Variants in DYSF observed in about 807,000 individuals in gnomAD.
DYSF encodes the protein dysferlin.
DYSF carries 212 observed loss-of-function variants against 274.9 expected under a neutral mutation model. That is an observed-to-expected ratio of 0.77 (90% CI 0.69 to 0.86). DYSF has a LOEUF of 0.86. Ranked by LOEUF, DYSF falls within the 40% of genes least tolerant of loss-of-function variation. The probability of loss-of-function intolerance (pLI) is 0.00; values close to 1 mark genes in which losing one functional copy is unlikely to be tolerated. For synonymous variants in DYSF, 1,091 were observed against 1,078.7 expected (o/e 1.01, Z -0.22); for missense variants, 2,666 against 2,783.2 (o/e 0.96, Z 0.95).
chr2:71,572,955 C>T (rs1196548029), intron 29 of DYSF, among the ~76,000 whole-genome samples: 1 of 152,228 alleles, frequency 6.6e-6, no homozygotes, highest in African/African-American at 2.4e-5. Context: ...GCCCATCGTG[C>T]ACATGGATGA....
In DYSF at chr2:71,686,659, A is replaced by G. The variant is rs1204949314; in HGVS notation, c.*167A>G. On this transcript the variant is annotated 3_prime_UTR_variant, in exon 56 of 56. Coordinates refer to ENST00000410020, the MANE Select transcript of DYSF (RefSeq NM_001130987.2). ...GGCCCACACTCCCAGAGTTGCTAAC[A>G]TGGAGCTCTGAGATCACCCCACTTC... The G allele has an allele frequency of 9.0e-6, 7 of 778,264 alleles. No homozygotes were observed. The highest frequency in any genetic ancestry group is 1.7e-5 in the African/African-American group (1 of 58,632). 48.2% of individuals were successfully genotyped at this position (778,264 alleles called of 1,614,324 possible). A position where few individuals can be genotyped will look rare whatever the true frequency, so the allele number is the denominator to read the frequency against.
chr2:71,600,526 T>C (rs2093523877), intron 33 of DYSF, among the ~76,000 whole-genome samples, 176 bp from the exon 34 acceptor site: 1 of 152,210 alleles, frequency 6.6e-6, no homozygotes. Context: ...TGCTCACAGC[T>C]TGTTTTGTCC....
Position 71,520,189 on chromosome 2 carries a change from C to T in DYSF, c.1014C>T (p.Gly338=). 1 of 1,614,162 alleles carries T rather than the reference C, an allele frequency of 6.2e-7. No individual in the cohort carries two copies. Among genetic ancestry groups the T allele is most frequent in the Non-Finnish European group, 8.5e-7 (1 of 1,180,036 alleles). ...ALLGEFRMDV[G]TIYREPRHAY... is the part of the protein sequence containing the mutation. ...CTCATTGATTGCAGATGGACGTGGG[C>T]ACCATTTACAGAGAGCCCCGTGAGT... Residue 338 remains glycine, a synonymous_variant, in exon 11 of 56, where the codon GGC becomes GGT. Transcript: ENST00000410020.
chr2:71,564,341 G>C (rs772053510), intron 24 of DYSF, 128 bp downstream of exon 24: 7 of 1,331,498 alleles, frequency 5.3e-6, no homozygotes, highest in Non-Finnish European at 7.4e-6. Context: ...GGAAGGAGAA[G>C]AGGTCTTTGG....
intron 41 of DYSF, among the ~76,000 whole-genome samples, chr2:71,640,819 T>A (rs2094474764): frequency 6.6e-6 from 1 of 152,142 alleles, no homozygotes; most frequent in African/African-American, 2.4e-5. Flanking sequence ...ACTTTCATCT[T>A]TTTCTATGCT....
rs141539652 is a variant in DYSF, at chr2:71,664,214, C to T, written c.5004-54C>T. On this transcript the variant is annotated intron_variant, in intron 45 of 55. Transcript: ENST00000410020. Reference sequence around the variant, plus strand: ...GTTTCGAGCTCTTGTCCTGCCCTGCCTGTCCCTTGGGTGCCCCGTGTTGGC... The same window carrying T: ...GTTTCGAGCTCTTGTCCTGCCCTGCTTGTCCCTTGGGTGCCCCGTGTTGGC... 3.2e-4 allele frequency: 517 copies of T among 1,611,786 alleles called. 1 individual carries two copies. The African/African-American group carries it at 5.5e-3, about 17-fold the overall frequency.
In DYSF at chr2:71,600,408, C is replaced by T. The variant is rs117371193; in HGVS notation, c.3757-294C>T. Among the ~76,000 whole-genome samples the T allele has an allele frequency of 6.6e-3, 1,008 of 152,280 alleles. 45 individuals carry two copies. Among genetic ancestry groups the T allele is most frequent in the Admixed American group, 0.062 (942 of 15,296 alleles). Reference sequence around the variant, plus strand: ...TCTCTCTGGTCTCCAATAGTCTTAGCGCTGATTAAATTGTAGCAGGGCAAA... The same window carrying T: ...TCTCTCTGGTCTCCAATAGTCTTAGTGCTGATTAAATTGTAGCAGGGCAAA... On this transcript the variant is annotated intron_variant, in intron 33 of 55. Transcript: ENST00000410020.
At chr2:71,679,423 C>T (rs913679637) in intron 53 of DYSF, among the ~76,000 whole-genome samples, 188 bp downstream of exon 53, 3 of 151,846 alleles carry the variant, frequency 2.0e-5, no homozygotes, top group Admixed American at 6.6e-5. Flanking sequence ...AATTCCCGGT[C>T]GCCTTCTCCT....
chr2:71,656,024 C>T, intron 42 of DYSF, 138 bp from the exon 43 acceptor site: 9 of 1,192,182 alleles, frequency 7.5e-6, no homozygotes, highest in Non-Finnish European at 1.1e-5. Context: ...CCCTCCTTTT[C>T]TTCTTCTCTC....
intron 26 of DYSF, among the ~76,000 whole-genome samples, chr2:71,568,984 G>A (rs182507556): frequency 1.3e-5 from 2 of 151,540 alleles, no homozygotes; most frequent in African/African-American, 2.4e-5. Flanking sequence ...GCCATTCTCC[G>A]GCCTCAGCCT....
chr2:71,525,864 C>T lies in DYSF; in HGVS notation c.1150-356C>T, dbSNP rs143003488. Among the ~76,000 whole-genome samples the T allele has an allele frequency of 1.1e-3, 163 of 152,270 alleles. 1 individual carries two copies. The highest frequency in any genetic ancestry group is 9.3e-3 in the East Asian group (48 of 5,158). On this transcript the variant is annotated intron_variant, in intron 12 of 55. Coordinates refer to ENST00000410020, the MANE Select transcript of DYSF (RefSeq NM_001130987.2). The stretch of plus-strand genomic sequence containing the variant: ...CTGCATGTTATTAAAGACAGAGTGG[C>T]CAGCTTAGACCTCAGTTACTACTGT...
chr2:71,572,471 G>A (rs2092550984), intron 29 of DYSF, among the ~76,000 whole-genome samples: 1 of 152,244 alleles, frequency 6.6e-6, no homozygotes, highest in African/African-American at 2.4e-5. Context: ...AGACACCCAT[G>A]GACTTTGTCT....
chr2:71,614,953 T>C (rs1484847141), intron 40 of DYSF, among the ~76,000 whole-genome samples: 2 of 152,110 alleles, frequency 1.3e-5, no homozygotes, highest in African/African-American at 2.4e-5. Flanking sequence ...ATTAGGCAGA[T>C]AATTTGCCCC....
At chr2:71,586,712 G>C (rs1222647733) in intron 30 of DYSF, among the ~76,000 whole-genome samples, 2 of 152,122 alleles carry the variant, frequency 1.3e-5, no homozygotes, top group Non-Finnish European at 2.9e-5. Flanking sequence ...CCATCTAGAG[G>C]AGGTGCCTGG....
intron 45 of DYSF, among the ~76,000 whole-genome samples, chr2:71,663,018 T>C (rs959107818): frequency 1.1e-4 from 16 of 152,182 alleles, no homozygotes; most frequent in African/African-American, 3.6e-4. Flanking sequence ...TATTTGTGTA[T>C]GTTTACGTGT....
At chr2:71,678,128 A>G (rs934721296) in intron 52 of DYSF, among the ~76,000 whole-genome samples, 1 of 152,206 alleles carries the variant, frequency 6.6e-6, no homozygotes, top group African/African-American at 2.4e-5. Context: ...TTTTTCATAT[A>G]TACTTTGTAA....
chr2:71,529,743 A>G (rs1335084236), intron 14 of DYSF, among the ~76,000 whole-genome samples: 1 of 152,252 alleles, frequency 6.6e-6, no homozygotes, highest in Non-Finnish European at 1.5e-5. Flanking sequence ...CTAAGCATCC[A>G]TTGACCTTCC....
intron 1 of DYSF, among the ~76,000 whole-genome samples, chr2:71,474,801 G>C (rs964145694): frequency 6.6e-6 from 1 of 152,166 alleles, no homozygotes; most frequent in African/African-American, 2.4e-5. Context: ...TTAGCACAGG[G>C]CTTGGCACAC....
At chr2:71,477,770 A>G (rs2082509641) in intron 1 of DYSF, among the ~76,000 whole-genome samples, 1 of 152,252 alleles carries the variant, frequency 6.6e-6, no homozygotes, top group Admixed American at 6.5e-5. Flanking sequence ...CAGATTTCAC[A>G]TTGCAACTTA....
Sources: gnomAD v4.1 joint callset for allele counts (sites outside exome capture counted in the v4.1 genomes callset) on GRCh38, gnomAD v4.1.1 for gene constraint, MANE v1.5 for transcripts, NCBI Gene and HGNC (gene_info 2026-07-23, HGNC 2026-07-21) for gene names.